The following ZNF587B variants were observed in gnomAD, a reference collection of about 807,000 sequenced individuals.
ZNF587B encodes the protein zinc finger protein 587B.
ZNF587B carries 6 observed loss-of-function variants against 7.2 expected under a neutral mutation model. The ratio of observed to expected loss-of-function variants is 0.83; its 90% CI spans 0.46 to 1.65. ZNF587B has a LOEUF of 1.65. Among genes scored for constraint, ZNF587B ranks in the 40% most tolerant of loss-of-function variants. The pLI is 0.01. For synonymous variants in ZNF587B, 274 were observed against 254.3 expected (o/e 1.08, Z -0.74); for missense variants, 749 against 761.0 (o/e 0.98, Z 0.19).
chr19:57,841,810 T>A lies in ZNF587B; in HGVS notation c.1136T>A (p.Val379Glu), dbSNP rs747139690. ...TACCATCAGCGCATTCACACTGAAGTAAGACCTTACAAGTGTGGAGAATGT... is the reference window on the plus strand; with the variant it reads ...TACCATCAGCGCATTCACACTGAAGAAAGACCTTACAAGTGTGGAGAATGT... ...LSYHQRIHTE[V>E]RPYKCGECGK... Residue 379 changes from valine to glutamate, a missense_variant, in exon 3 of 3, where the codon GTA (valine) becomes GAA (glutamate). Val to Glu is a moderately radical substitution (Grantham distance 121, BLOSUM62 -2). This residue lies in a region of ZNF587B where 656 missense variants were observed against 596.5 expected (regional missense o/e 1.10). Coordinates refer to ENST00000594901, the MANE Select transcript of ZNF587B (RefSeq NM_001376223.1). 3 of 1,610,710 alleles carry A rather than the reference T, an allele frequency of 1.9e-6. No homozygotes were observed. Among genetic ancestry groups the A allele is most frequent in the Non-Finnish European group, 2.5e-6 (3 of 1,178,834 alleles).
In ZNF587B at chr19:57,845,783, T is replaced by G. The variant is rs149393180; in HGVS notation, c.*3207T>G. On this transcript the variant is annotated 3_prime_UTR_variant, in exon 3 of 3. Coordinates refer to ENST00000594901, the MANE Select transcript of ZNF587B (RefSeq NM_001376223.1). The stretch of plus-strand genomic sequence containing the variant: ...ATTCCCAGCACTTTGGGAGGCCAGA[T>G]TCCTTGAGACCAGTGTGGGGAACAT... The G allele has an allele frequency of 9.2e-5, 14 of 152,280 alleles. No homozygotes were observed. The highest frequency in any genetic ancestry group is 2.6e-4 in the Admixed American group (4 of 15,286). 9.4% of individuals were successfully genotyped at this position (152,280 alleles called of 1,614,324 possible). A position where few individuals can be genotyped will look rare whatever the true frequency, so the allele number is the denominator to read the frequency against.
Position 57,843,637 on chromosome 19 carries a change from T to C in ZNF587B, c.*1061T>C, listed in dbSNP as rs1244902551. The C allele has an allele frequency of 2.3e-5, 19 of 842,182 alleles. No individual in the cohort carries two copies. In the East Asian group the frequency reaches 4.2e-4, roughly 19 times the overall value. The allele number at this position is 842,182 out of a possible 1,614,324, so 52.2% of individuals were successfully genotyped here. A position where few individuals can be genotyped will look rare whatever the true frequency, so the allele number is the denominator to read the frequency against. ...TTTTTTTTTGGAGACAAAGTTTCACTGTCACCGATACTGGAGTGCAGTGGT... is the reference window on the plus strand; with the variant it reads ...TTTTTTTTTGGAGACAAAGTTTCACCGTCACCGATACTGGAGTGCAGTGGT... On this transcript the variant is annotated 3_prime_UTR_variant, in exon 3 of 3. Transcript: ENST00000594901.
At chr19:57,832,879 G>T (rs1365493563) in intron 1 of ZNF587B, among the ~76,000 whole-genome samples, 1 of 152,242 alleles carries the variant, frequency 6.6e-6, no homozygotes, top group Non-Finnish European at 1.5e-5. Flanking sequence ...CTCTTGTTGG[G>T]TCTTCCCTCA....
chr19:57,836,793 A>G (rs1988625522), intron 1 of ZNF587B, among the ~76,000 whole-genome samples: 1 of 152,004 alleles, frequency 6.6e-6, no homozygotes, highest in African/African-American at 2.4e-5. Flanking sequence ...GTGAAAGACC[A>G]TCTCTACTAA....
chr19:57,832,100 T>C (rs1988431664), intron 1 of ZNF587B, among the ~76,000 whole-genome samples: 1 of 152,080 alleles, frequency 6.6e-6, no homozygotes, highest in South Asian at 2.1e-4. Context: ...TTTTTGTTTT[T>C]TTTTGAGACA....
At chr19:57,837,638 C>T (rs936102272) in intron 1 of ZNF587B, among the ~76,000 whole-genome samples, 5 of 152,094 alleles carry the variant, frequency 3.3e-5, no homozygotes, top group Non-Finnish European at 5.9e-5. Flanking sequence ...TTAGTAGAGA[C>T]GGGGTTTCAC....
At chr19:57,837,407 C>CCACCA (rs1402973794) in intron 1 of ZNF587B, among the ~76,000 whole-genome samples, 3 of 151,770 alleles carry the variant, frequency 2.0e-5, no homozygotes, top group South Asian at 4.2e-4. Context: ...CAGGTGCCCA[C>CCACCA]CACCACGCTC....
intron 1 of ZNF587B, among the ~76,000 whole-genome samples, chr19:57,832,740 T>G (rs564589275): frequency 2.6e-5 from 4 of 152,402 alleles, no homozygotes; most frequent in Admixed American, 1.3e-4. Context: ...TGATCTAAGC[T>G]GAATCTACTT....
chr19:57,834,855 A>C (rs1326666442), intron 1 of ZNF587B, among the ~76,000 whole-genome samples: 1 of 132,916 alleles, frequency 7.5e-6, no homozygotes, highest in Non-Finnish European at 1.7e-5. Context: ...AAAAAAAAAA[A>C]AGAAAAAAAA....
intron 2 of ZNF587B, 106 bp downstream of exon 2, chr19:57,839,255 G>T: frequency 6.6e-7 from 1 of 1,521,792 alleles, no homozygotes; most frequent in South Asian, 1.3e-5. Context: ...ACAGCTTCCT[G>T]CTTCAGTTCT....
rs1188703817 is a variant in ZNF587B, at chr19:57,841,572, T to G, written c.898T>G (p.Cys300Gly). 6.3e-7 allele frequency: 1 copy of G among 1,576,506 alleles called. No individual in the cohort carries two copies. Among genetic ancestry groups the G allele is most frequent in the Non-Finnish European group, 8.6e-7 (1 of 1,160,800 alleles). ...TCACACTGGAGGAAAACCTTATGGGTGTGAAGAATGTGGGAAATATTTTAG... is the reference window on the plus strand; with the variant it reads ...TCACACTGGAGGAAAACCTTATGGGGGTGAAGAATGTGGGAAATATTTTAG... The part of the protein sequence containing the change: ...QFHTGGKPYG[C>G]EECGKYFSLE... The change falls in exon 3 of 3, where the codon TGT (cysteine) becomes GGT (glycine). Residue 300 changes from cysteine to glycine, a missense_variant. Cys to Gly is a radical substitution (Grantham distance 159). Transcript: ENST00000594901.
chr19:57,841,030 T>TG lies in ZNF587B; in HGVS notation c.357dup (p.His120AlafsTer4). 1 of 1,610,922 alleles carries TG rather than the reference T, an allele frequency of 6.2e-7. No homozygotes were observed. The highest frequency in any genetic ancestry group is 8.5e-7 in the Non-Finnish European group (1 of 1,178,466). ...CAGGGAACACATCACAAGCAGAAAC[T>TG]GCACAGGTGTGAGGCCTGGGGGAAT... is the stretch of plus-strand genomic sequence containing the variant. On this transcript the variant is annotated frameshift_variant, in exon 3 of 3. Transcript: ENST00000594901. LOFTEE classifies it low-confidence loss of function (END_TRUNC).
In ZNF587B at chr19:57,842,635, T is replaced by G; in HGVS notation, c.*59T>G. On this transcript the variant is annotated 3_prime_UTR_variant, in exon 3 of 3. Transcript: ENST00000594901. ...GGAGAGCACACACCTGAGTAAGATC[T>G]TGTGATTGCAGCAAATGTGGAAAAT... 2 of 1,353,634 alleles carry G rather than the reference T, an allele frequency of 1.5e-6. No individual in the cohort carries two copies. The allele number at this position is 1,353,634 out of a possible 1,614,324, so 83.9% of individuals were successfully genotyped here. A position where few individuals can be genotyped will look rare whatever the true frequency, so the allele number is the denominator to read the frequency against.
Position 57,845,493 on chromosome 19 carries a change from T to C in ZNF587B, c.*2917T>C, listed in dbSNP as rs1361864747. 2.0e-5 allele frequency: 3 copies of C among 152,154 alleles called. 1 individual carries two copies. Among genetic ancestry groups the C allele is most frequent in the South Asian group, 4.1e-4 (2 of 4,830 alleles). 9.4% of individuals were successfully genotyped at this position (152,154 alleles called of 1,614,324 possible). A position where few individuals can be genotyped will look rare whatever the true frequency, so the allele number is the denominator to read the frequency against. ...TCCTGTATTAACAGGAGGAACAGAA[T>C]AGGGAAAAAGATCTCAGTTCAGTGA... On this transcript the variant is annotated 3_prime_UTR_variant, in exon 3 of 3. Coordinates refer to ENST00000594901, the MANE Select transcript of ZNF587B (RefSeq NM_001376223.1).
In ZNF587B at chr19:57,830,557, C is replaced by G; in HGVS notation, c.29C>G (p.Ser10Cys). 1 of 1,550,194 alleles carries G rather than the reference C, an allele frequency of 6.5e-7. No homozygotes were observed. Residue 10 changes from serine (S) to cysteine (C), a missense_variant, in exon 1 of 3, where the codon TCT becomes TGT. Around this residue, in one of 3 missense-constraint regions of ZNF587B, gnomAD observed 21 missense variants for 16.7 expected, o/e 1.25. Transcript: ENST00000594901. ...GCGGTGGTGGCCACGCTGAGGCTCT[C>G]TGCTCAGGTAATTGTGGTGCCTTCC... The part of the protein sequence containing the change: MAVVATLRL[S>C]AQGTVTFEDV...
At position 57,841,670 on chromosome 19, in the gene ZNF587B, G is replaced by C; in HGVS notation, c.996G>C (p.Gly332=). The C allele has an allele frequency of 6.2e-7, 1 of 1,605,016 alleles. No homozygotes were observed. Among genetic ancestry groups the C allele is most frequent in the Non-Finnish European group, 8.5e-7 (1 of 1,175,828 alleles). Reference sequence around the variant, plus strand: ...GGCCTTATGAGTGTGGAGAATGTGGGAAATCTTTTAGTTCAAACGTGAACC... The same window carrying C: ...GGCCTTATGAGTGTGGAGAATGTGGCAAATCTTTTAGTTCAAACGTGAACC... ...GKGPYECGEC[G]KSFSSNVNLK... Residue 332 remains glycine, a synonymous_variant, in exon 3 of 3, where the codon GGG becomes GGC. Transcript: ENST00000594901.
Position 57,841,405 on chromosome 19 carries a change from G to A in ZNF587B, c.731G>A (p.Cys244Tyr), listed in dbSNP as rs1228541547. ...CTCCCTCGAGAAGAATGTTATGTGT[G>A]CTGTGAATGTGGGAAATCCTTTAGC... ...RLLPREECYV[C>Y]CECGKSFSKY... The change falls in exon 3 of 3, where the codon TGC (cysteine) becomes TAC (tyrosine). Residue 244 changes from cysteine to tyrosine, a missense_variant. Cys to Tyr is a radical substitution (Grantham distance 194). Transcript: ENST00000594901. 1 of 1,585,758 alleles carries A rather than the reference G, an allele frequency of 6.3e-7. No homozygotes were observed. The highest frequency in any genetic ancestry group is 8.6e-7 in the Non-Finnish European group (1 of 1,165,204).
rs61215962 is a variant in ZNF587B, at chr19:57,842,902, C to CA, written c.*332dup. ...AAATGCCTTTTGAATGTAATGTTTGCAAAAAAGCACTGTGCCTTCTGTCAT... is the reference window on the plus strand; with the variant it reads ...AAATGCCTTTTGAATGTAATGTTTGCAAAAAAAGCACTGTGCCTTCTGTCAT... On this transcript the variant is annotated 3_prime_UTR_variant, in exon 3 of 3. Transcript: ENST00000594901. The CA allele has an allele frequency of 3.0e-6, 3 of 985,116 alleles. No homozygotes were observed. The highest frequency in any genetic ancestry group is 1.1e-4 in the East Asian group (1 of 8,828). The allele number at this position is 985,116 out of a possible 1,614,324, so 61.0% of individuals were successfully genotyped here.
intron 1 of ZNF587B, among the ~76,000 whole-genome samples, chr19:57,836,573 C>A (rs768820714): frequency 7.2e-5 from 11 of 152,068 alleles, no homozygotes; most frequent in Non-Finnish European, 1.2e-4. Context: ...CCAGGCTGTT[C>A]TTGAACTCCT....
Sources: allele counts gnomAD v4.1 joint callset (sites outside exome capture counted in the v4.1 genomes callset), GRCh38; gene constraint gnomAD v4.1.1; regional missense constraint gnomAD v4.1.1; transcripts MANE v1.5; gene names NCBI Gene and HGNC (gene_info 2026-07-23, HGNC 2026-07-21).